KIAA2012: variants seen among roughly 807,000 people sequenced by gnomAD.
KIAA2012 encodes the protein KIAA2012.
A neutral mutation model predicts 150.6 loss-of-function variants in KIAA2012; 125 were observed. That is an observed-to-expected ratio of 0.83 (90% CI 0.72 to 0.96). The LOEUF is 0.96. Among genes scored for constraint, KIAA2012 ranks in the 40% least tolerant of loss-of-function variants. The probability of loss-of-function intolerance (pLI) is 0.00; values close to 1 mark genes in which losing one functional copy is unlikely to be tolerated. For missense variants in KIAA2012, 1,219 were observed against 1,354.9 expected, an observed-to-expected ratio of 0.90 and a Z score of 1.57; for synonymous variants, 462 against 504.7, an observed-to-expected ratio of 0.92 and a Z score of 1.13.
chr2:202,117,245 T>C (rs1054294352), intron 11 of KIAA2012, among the ~76,000 whole-genome samples: 3 of 152,240 alleles, frequency 2.0e-5, no homozygotes, highest in African/African-American at 7.2e-5. Flanking sequence ...ATTCTTGGTG[T>C]CATTTTGTGA....
chr2:202,127,673 C>T (rs928640605), intron 12 of KIAA2012, among the ~76,000 whole-genome samples: 1 of 152,156 alleles, frequency 6.6e-6, no homozygotes, highest in African/African-American at 2.4e-5. Context: ...ACGTTTTGAT[C>T]CTTCTCGCCT....
intron 13 of KIAA2012, among the ~76,000 whole-genome samples, chr2:202,145,803 G>A (rs1691284046): frequency 6.8e-6 from 1 of 147,732 alleles, no homozygotes; most frequent in Non-Finnish European, 1.5e-5. Context: ...TCCTGCCTCA[G>A]CCTCCCAAGT....
rs1692264994 is a variant in KIAA2012, at chr2:202,188,189, A to C, written c.2414A>C (p.Lys805Thr). 2 of 1,550,802 alleles carry C rather than the reference A, an allele frequency of 1.3e-6. No homozygotes were observed. The highest frequency in any genetic ancestry group is 2.7e-5 in the African/African-American group (2 of 73,148). ...ATTAACGAGGCCAAGAGAAAGGAAA[A>C]ACCCAAGAAAGACAAAACCAAAGGA... Reference protein sequence around the residue: ...DLINEAKRKEKPKKDKTKGPK... With the variant: ...DLINEAKRKETPKKDKTKGPK... Residue 805 changes from lysine to threonine, a missense_variant, in exon 18 of 24, where the codon AAA becomes ACA. Physicochemically the swap from Lys to Thr is moderately conservative, Grantham distance 78. Coordinates refer to ENST00000498697, the MANE Select transcript of KIAA2012 (RefSeq NM_001277372.4).
chr2:202,093,243 A>G (rs1000774297), intron 4 of KIAA2012, 58 bp downstream of exon 4: 13 of 1,511,088 alleles, frequency 8.6e-6, no homozygotes, highest in South Asian at 4.9e-5. Context: ...TGAATTGTTA[A>G]CACCTTAAAA....
chr2:202,140,738 G>T (rs915208522), intron 13 of KIAA2012, among the ~76,000 whole-genome samples: 9 of 152,190 alleles, frequency 5.9e-5, no homozygotes, highest in Non-Finnish European at 1.0e-4. Flanking sequence ...CTGTCCAGCT[G>T]ATTTCAGTTC....
chr2:202,166,687 A>T (rs1368279395), intron 15 of KIAA2012, among the ~76,000 whole-genome samples: 1 of 151,084 alleles, frequency 6.6e-6, no homozygotes, highest in African/African-American at 2.4e-5. Context: ...AAAAAAAAGG[A>T]TCAATTTTCT....
intron 22 of KIAA2012, chr2:202,201,895 C>A: frequency 9.5e-7 from 1 of 1,053,520 alleles, no homozygotes. Context: ...ATGGTGGCTG[C>A]AGGTCCGGTT....
intron 14 of KIAA2012, among the ~76,000 whole-genome samples, chr2:202,156,334 A>G (rs1691523872): frequency 6.6e-6 from 1 of 152,234 alleles, no homozygotes; most frequent in Non-Finnish European, 1.5e-5. Flanking sequence ...TTTTATTCTT[A>G]GCAACAGTTT....
chr2:202,136,356 T>C (rs116078354), intron 12 of KIAA2012: 14,731 of 154,350 alleles, frequency 0.095, 945 homozygotes, highest in South Asian at 0.24. Flanking sequence ...ATTCCTCCTG[T>C]CTGGCGTTGT....
In KIAA2012 at chr2:202,179,354, C is replaced by T. The variant is rs902355592; in HGVS notation, c.2120-5399C>T. 41 of 946,364 alleles carry T rather than the reference C, an allele frequency of 4.3e-5. No individual in the cohort carries two copies. In the East Asian group the frequency reaches 7.5e-4, roughly 17 times the overall value. 58.6% of individuals were successfully genotyped at this position (946,364 alleles called of 1,614,324 possible). ...ATTCAGCCCGTCTGATAAACTTGTC[C>T]GGATTGAATATGCTTTGGCTGCTGT... On this transcript the variant is annotated intron_variant, in intron 15 of 23. Transcript: ENST00000498697.
In KIAA2012 at chr2:202,193,383, TGGA is replaced by T. The variant is rs1315418565; in HGVS notation, c.2896_2898del (p.Glu966del). 1 of 1,548,842 alleles carries T rather than the reference TGGA, an allele frequency of 6.5e-7. No homozygotes were observed. The highest frequency in any genetic ancestry group is 1.2e-5 in the South Asian group (1 of 83,962). On this transcript the variant is annotated inframe_deletion, in exon 20 of 24. Transcript: ENST00000498697. ...AGAGCCGAGATGAGGTGGCTGGAGGTGGAGAAGAAGAGAAGGGAGCAGGAAGAG... is the reference window on the plus strand; with the variant it reads ...AGAGCCGAGATGAGGTGGCTGGAGGTGAAGAAGAGAAGGGAGCAGGAAGAG...
intron 2 of KIAA2012, among the ~76,000 whole-genome samples, chr2:202,083,304 G>C (rs1689490472): frequency 6.6e-6 from 1 of 152,248 alleles, no homozygotes. Context: ...GCATGAGGCT[G>C]ATCAAAGTCA....
intron 2 of KIAA2012, among the ~76,000 whole-genome samples, chr2:202,078,162 C>T (rs1689364746): frequency 6.6e-6 from 1 of 152,218 alleles, no homozygotes; most frequent in South Asian, 2.1e-4. Context: ...AGGCAAAACA[C>T]TGAAAACAGT....
intron 18 of KIAA2012, 80 bp from the exon 19 acceptor site, chr2:202,190,094 A>G (rs968013187): frequency 2.4e-6 from 3 of 1,244,492 alleles, no homozygotes; most frequent in Admixed American, 6.2e-5. Flanking sequence ...TCTCAAAAAA[A>G]AAAAGTTACT....
intron 12 of KIAA2012, 93 bp downstream of exon 12, chr2:202,125,375 AT>A: frequency 1.1e-6 from 1 of 915,524 alleles, no homozygotes; most frequent in Non-Finnish European, 1.7e-6. Flanking sequence ...GAAACCCACA[AT>A]TTCTCCCCAA....
intron 4 of KIAA2012, among the ~76,000 whole-genome samples, chr2:202,096,047 G>A (rs568499575): frequency 5.2e-4 from 79 of 152,170 alleles, no homozygotes; most frequent in African/African-American, 1.6e-3. Flanking sequence ...TCATGCCACT[G>A]CACTCCAGCC....
Position 202,159,024 on chromosome 2 carries a change from G to A in KIAA2012, c.2046+4214G>A, listed in dbSNP as rs568981632. Among the ~76,000 whole-genome samples the A allele has an allele frequency of 2.6e-5, 4 of 152,252 alleles. No individual in the cohort carries two copies. The East Asian group carries it at 5.8e-4, about 22-fold the overall frequency. On this transcript the variant is annotated intron_variant, in intron 14 of 23. Transcript: ENST00000498697. ...AAGGTAGAGGAATTGGCCTGAACAC[G>A]GACAACAGCCAGCCATGCCTGGAGT...
At chr2:202,123,472 T>G (rs1194641205) in intron 11 of KIAA2012, among the ~76,000 whole-genome samples, 1 of 152,166 alleles carries the variant, frequency 6.6e-6, no homozygotes, top group Non-Finnish European at 1.5e-5. Context: ...AATTACGGCT[T>G]TTCCTCTCTC....
chr2:202,161,366 A>G (rs1404505387), intron 14 of KIAA2012, among the ~76,000 whole-genome samples: 1 of 152,152 alleles, frequency 6.6e-6, no homozygotes, highest in African/African-American at 2.4e-5. Flanking sequence ...GGTTTGCTTG[A>G]AATTCTTTAC....
Sources: allele counts gnomAD v4.1 joint callset (sites outside exome capture counted in the v4.1 genomes callset), GRCh38; gene constraint gnomAD v4.1.1; transcripts MANE v1.5; gene names NCBI Gene and HGNC (gene_info 2026-07-23, HGNC 2026-07-21).